SLC30A9: variants seen among roughly 807,000 people sequenced by gnomAD.
SLC30A9 encodes the protein proton-coupled zinc antiporter SLC30A9, mitochondrial.
In SLC30A9, 58 loss-of-function variants were observed where a neutral mutation model predicts 87.5. The observed-to-expected ratio is 0.66, with a 90% CI of 0.54 to 0.82. The LOEUF (loss-of-function observed/expected upper bound fraction) is 0.82, where lower values mean the gene tolerates loss of function less well. Among genes scored for constraint, SLC30A9 ranks in the 40% least tolerant of loss-of-function variants. SLC30A9 has a pLI of 0.00. For synonymous variants in SLC30A9, 234 were observed against 233.0 expected, an observed-to-expected ratio of 1.00 and a Z score of -0.04; for missense variants, 557 against 679.1, an observed-to-expected ratio of 0.82 and a Z score of 2.00.
intron 1 of SLC30A9, 135 bp from the exon 2 acceptor site, chr4:42,001,481 A>G (rs542077129): frequency 2.0e-6 from 1 of 496,158 alleles, no homozygotes; most frequent in South Asian, 4.4e-5. Flanking sequence ...GAATGTTGTC[A>G]CTAATTTTTC....
chr4:42,076,325 A>G (rs10050032), intron 16 of SLC30A9, among the ~76,000 whole-genome samples: 99,282 of 152,090 alleles, frequency 0.65, 36,910 homozygotes, highest in East Asian at 0.96. Flanking sequence ...TACAAAAACA[A>G]TTCAAGCCCC....
At chr4:42,042,456 G>A (rs1436423660) in intron 8 of SLC30A9, among the ~76,000 whole-genome samples, 1 of 152,144 alleles carries the variant, frequency 6.6e-6, no homozygotes, top group Non-Finnish European at 1.5e-5. Context: ...AAAGCCATCA[G>A]GAAGTTCGAA....
chr4:42,077,486 C>A (rs947388042), intron 16 of SLC30A9, among the ~76,000 whole-genome samples: 1 of 152,102 alleles, frequency 6.6e-6, no homozygotes, highest in South Asian at 2.1e-4. Flanking sequence ...CTCACTGCAA[C>A]CTCCGCCCCC....
At chr4:42,035,373 A>G (rs1418060674) in intron 7 of SLC30A9, 40 bp downstream of exon 7, 3 of 1,589,076 alleles carry the variant, frequency 1.9e-6, no homozygotes, top group African/African-American at 1.4e-5. Context: ...TTTGTGTTGC[A>G]CAGCAAAATT....
intron 9 of SLC30A9, among the ~76,000 whole-genome samples, chr4:42,049,771 T>G (rs996135500): frequency 2.6e-5 from 4 of 152,172 alleles, no homozygotes; most frequent in Admixed American, 6.6e-5. Context: ...GTCAATGAAT[T>G]TAAACTTTTG....
rs189933274 is a variant in SLC30A9, at chr4:42,054,336, C to G, written c.840+4857C>G. Among the ~76,000 whole-genome samples, 1,356 of 152,020 alleles carry G rather than the reference C, an allele frequency of 8.9e-3. 20 individuals carry two copies. Among genetic ancestry groups the G allele is most frequent in the African/African-American group, 0.031 (1,303 of 41,468 alleles). The stretch of plus-strand genomic sequence containing the variant: ...TGGCACCACTGTACTCCAGCCTGGG[C>G]GACAGAACTAGACATCTCAAAACAA... On this transcript the variant is annotated intron_variant, in intron 9 of 17. Coordinates refer to ENST00000264451, the MANE Select transcript of SLC30A9 (RefSeq NM_006345.4).
In SLC30A9 at chr4:42,086,064, G is replaced by A. The variant is rs768309544; in HGVS notation, c.1663-18G>A. 4 of 1,471,590 alleles carry A rather than the reference G, an allele frequency of 2.7e-6. No individual in the cohort carries two copies. Among genetic ancestry groups the A allele is most frequent in the Admixed American group, 1.8e-5 (1 of 56,730 alleles). 91.2% of individuals were successfully genotyped at this position (1,471,590 alleles called of 1,614,324 possible). A position where few individuals can be genotyped will look rare whatever the true frequency, so the allele number is the denominator to read the frequency against. ...TTTATTTTGCTACAAATAATGTGGT[G>A]GTGATTTTTCTTTCCAGAAACGAAA... On this transcript the variant is annotated intron_variant, in intron 17 of 17. Transcript: ENST00000264451.
chr4:42,063,158 A>T (rs1395208254), intron 11 of SLC30A9, 37 bp downstream of exon 11: 2 of 1,599,736 alleles, frequency 1.3e-6, no homozygotes, highest in Non-Finnish European at 8.6e-7. Flanking sequence ...TTGATGTCTT[A>T]TGACATAGTG....
Position 42,070,464 on chromosome 4 carries a change from A to G in SLC30A9, c.1253-62A>G, listed in dbSNP as rs1315583512. On this transcript the variant is annotated intron_variant, in intron 14 of 17. Coordinates refer to ENST00000264451, the MANE Select transcript of SLC30A9 (RefSeq NM_006345.4). ...TACTCGTTCTGGTTCTTTGCTCTCT[A>G]TAAAGTTCACTGAAATAATATAAAC... 5.9e-6 allele frequency: 8 copies of G among 1,350,340 alleles called. No individual in the cohort carries two copies. In the East Asian group the frequency reaches 1.9e-4, roughly 31 times the overall value. The allele number at this position is 1,350,340 out of a possible 1,614,324, so 83.6% of individuals were successfully genotyped here. A position where few individuals can be genotyped will look rare whatever the true frequency, so the allele number is the denominator to read the frequency against.
At chr4:42,085,757 G>T (rs1718902016) in intron 17 of SLC30A9, among the ~76,000 whole-genome samples, 1 of 151,680 alleles carries the variant, frequency 6.6e-6, no homozygotes, top group Non-Finnish European at 1.5e-5. Context: ...GATTATTATT[G>T]TTTTGCAGTG....
In SLC30A9 at chr4:42,072,584, TTTTG is replaced by T. The variant is rs1718354211; in HGVS notation, c.1418+1896_1418+1899del. Among the ~76,000 whole-genome samples the T allele has an allele frequency of 2.0e-5, 3 of 152,258 alleles. No individual in the cohort carries two copies. In the South Asian group the frequency reaches 6.2e-4, roughly 32 times the overall value. ...ATTTCTTTCCATTATTGATTTATTATTTTGTTCTATTGTGGTCAAAGAATATGTT... is the reference window on the plus strand; with the variant it reads ...ATTTCTTTCCATTATTGATTTATTATTTCTATTGTGGTCAAAGAATATGTT... On this transcript the variant is annotated intron_variant, in intron 15 of 17. Coordinates refer to ENST00000264451, the MANE Select transcript of SLC30A9 (RefSeq NM_006345.4).
intron 15 of SLC30A9, among the ~76,000 whole-genome samples, chr4:42,073,157 G>C (rs1271814320): frequency 2.6e-5 from 4 of 152,154 alleles, no homozygotes; most frequent in Non-Finnish European, 5.9e-5. Flanking sequence ...TGAGCACCGT[G>C]CCCGGCCTCT....
intron 2 of SLC30A9, among the ~76,000 whole-genome samples, chr4:42,014,028 A>G (rs1037427829): frequency 2.0e-5 from 3 of 152,206 alleles, no homozygotes; most frequent in African/African-American, 7.2e-5. Flanking sequence ...AAATAACTCT[A>G]TGGGGGAAAA....
intron 3 of SLC30A9, 53 bp downstream of exon 3, chr4:42,018,223 T>C (rs1349828924): frequency 9.7e-6 from 10 of 1,029,032 alleles, no homozygotes; most frequent in African/African-American, 3.3e-5. Context: ...GAATTAAATA[T>C]ATAACATTGG....
intron 7 of SLC30A9, among the ~76,000 whole-genome samples, chr4:42,037,731 C>T (rs1716749785): frequency 6.6e-6 from 1 of 152,008 alleles, no homozygotes; most frequent in African/African-American, 2.4e-5. Flanking sequence ...TTTTGCTGTC[C>T]TGGTCTTCAA....
chr4:42,078,664 G>C (rs1430727073), intron 17 of SLC30A9: 2 of 160,068 alleles, frequency 1.2e-5, no homozygotes, highest in Non-Finnish European at 2.7e-5. Flanking sequence ...GGAAACTTTA[G>C]ACTGTGGTCA....
chr4:42,084,204 C>G (rs1401647613), intron 17 of SLC30A9, among the ~76,000 whole-genome samples: 1 of 152,152 alleles, frequency 6.6e-6, no homozygotes, highest in Non-Finnish European at 1.5e-5. Flanking sequence ...ATAACTATCA[C>G]TGCCTCACCT....
intron 6 of SLC30A9, chr4:42,029,627 A>G: frequency 1.4e-6 from 1 of 694,830 alleles, no homozygotes. Context: ...GAACGAGGAG[A>G]CTTTAATCAA....
intron 8 of SLC30A9, among the ~76,000 whole-genome samples, chr4:42,044,792 T>G (rs1648562765): frequency 6.6e-6 from 1 of 152,194 alleles, no homozygotes; most frequent in South Asian, 2.1e-4. Flanking sequence ...ACTCTTATTC[T>G]AATATTGACC....
Sources: gnomAD v4.1 joint callset for allele counts (sites outside exome capture counted in the v4.1 genomes callset) on GRCh38, gnomAD v4.1.1 for gene constraint, MANE v1.5 for transcripts, NCBI Gene and HGNC (gene_info 2026-07-23, HGNC 2026-07-21) for gene names.